MALL: variants seen among roughly 807,000 people sequenced by gnomAD.
MALL encodes mal, T cell differentiation protein like, also known as MAL-like protein.
A neutral mutation model predicts 10.3 loss-of-function variants in MALL; 2 were observed. The observed-to-expected ratio is 0.19, with a 90% confidence interval of 0.08 to 0.61. MALL has a LOEUF of 0.61. Among genes scored for constraint, MALL ranks in the 20% least tolerant of loss-of-function variants. MALL has a pLI of 0.88. For missense variants in MALL, 39 were observed against 115.2 expected (o/e 0.34, Z 3.03); for synonymous variants, 27 against 51.8 (o/e 0.52, Z 2.05).
At chr2:110,112,813 G>A (rs1678831725) in intron 1 of MALL, among the ~76,000 whole-genome samples, 1 of 151,446 alleles carries the variant, frequency 6.6e-6, no homozygotes, top group Non-Finnish European at 1.5e-5. Flanking sequence ...ATTCACAATT[G>A]TGAAATTGTG....
At chr2:110,103,135 C>T (rs2104387113) in intron 1 of MALL, among the ~76,000 whole-genome samples, 1 of 152,268 alleles carries the variant, frequency 6.6e-6, no homozygotes, top group Non-Finnish European at 1.5e-5. Flanking sequence ...TGAGACTGTA[C>T]TCTGGGACCC....
intron 1 of MALL, among the ~76,000 whole-genome samples, chr2:110,108,916 C>A (rs1678748418): frequency 6.6e-6 from 1 of 152,084 alleles, no homozygotes; most frequent in Non-Finnish European, 1.5e-5. Context: ...AATTATCAGC[C>A]AAGAATTTCA....
intron 1 of MALL, among the ~76,000 whole-genome samples, chr2:110,100,472 C>CA (rs1206628045): frequency 2.1e-5 from 1 of 47,780 alleles, no homozygotes; most frequent in Admixed American, 2.6e-4. Flanking sequence ...GACTCTGTCC[C>CA]CCACCCTAAA....
At chr2:110,099,517 C>T (rs558032349) in intron 1 of MALL, among the ~76,000 whole-genome samples, 15 of 152,268 alleles carry the variant, frequency 9.9e-5, no homozygotes, top group African/African-American at 3.4e-4. Context: ...GTAGAGTGTT[C>T]TAGCTTTTTC....
At chr2:110,107,473 C>T (rs568783902) in intron 1 of MALL, among the ~76,000 whole-genome samples, 13 of 152,238 alleles carry the variant, frequency 8.5e-5, no homozygotes, top group Non-Finnish European at 1.8e-4. Flanking sequence ...CCATAATCTT[C>T]CTAAGTGCAC....
intron 1 of MALL, among the ~76,000 whole-genome samples, chr2:110,108,723 C>T (rs988147938): frequency 2.6e-5 from 4 of 152,056 alleles, no homozygotes; most frequent in African/African-American, 9.7e-5. Flanking sequence ...AAGATCTTTG[C>T]CTAGGCACAT....
rs113117807 is a variant in MALL, at chr2:110,115,772, G to A, written c.21C>T (p.Pro7=). 6.3e-6 allele frequency: 8 copies of A among 1,274,396 alleles called. No individual in the cohort carries two copies. The highest frequency in any genetic ancestry group is 6.0e-6 in the Non-Finnish European group (6 of 1,003,846). 78.9% of individuals were successfully genotyped at this position (1,274,396 alleles called of 1,614,324 possible). A position where few individuals can be genotyped will look rare whatever the true frequency, so the allele number is the denominator to read the frequency against. The part of the protein sequence containing the change: MASPDP[P]ATSYAPSDVP... ...CGTCGGACGGGGCGTAGCTGGTGGCGGGCGGGTCGGGCGAGGCCATGCTGT... is the reference window on the plus strand; with the variant it reads ...CGTCGGACGGGGCGTAGCTGGTGGCAGGCGGGTCGGGCGAGGCCATGCTGT... Residue 7 remains proline (P), a synonymous_variant, in exon 1 of 4, where the codon CCC becomes CCT. Coordinates refer to ENST00000272462, the MANE Select transcript of MALL (RefSeq NM_005434.5).
At chr2:110,117,399 A>G (rs1678939203), upstream of MALL, among the ~76,000 whole-genome samples, 1 of 152,136 alleles carries the variant, frequency 6.6e-6, no homozygotes, top group Non-Finnish European at 1.5e-5. Flanking sequence ...TGAAATGGAG[A>G]AAATAATACA....
At chr2:110,110,604 A>G (rs1678783058) in intron 1 of MALL, among the ~76,000 whole-genome samples, 1 of 152,108 alleles carries the variant, frequency 6.6e-6, no homozygotes, top group South Asian at 2.1e-4. Flanking sequence ...AAAGTCCAAG[A>G]ACGGATGGAT....
intron 1 of MALL, among the ~76,000 whole-genome samples, 174 bp downstream of exon 1, chr2:110,115,514 G>A (rs1422589690): frequency 6.7e-6 from 1 of 148,286 alleles, no homozygotes; most frequent in Non-Finnish European, 1.5e-5. Flanking sequence ...GGCGCGGTCC[G>A]GTCTGGGTCC....
chr2:110,098,536 G>A (rs528334399), intron 1 of MALL, among the ~76,000 whole-genome samples: 64 of 152,308 alleles, frequency 4.2e-4, no homozygotes, highest in African/African-American at 1.5e-3. Context: ...TGTAGCATGT[G>A]TCAGAATTTC....
At chr2:110,112,817 A>G (rs1678831771) in intron 1 of MALL, among the ~76,000 whole-genome samples, 1 of 151,534 alleles carries the variant, frequency 6.6e-6, no homozygotes, top group Admixed American at 6.6e-5. Context: ...ACAATTGTGA[A>G]ATTGTGTAAC....
rs1333582965 is a variant in MALL, at chr2:110,115,795, T to C, written c.-3A>G. 1 of 1,251,560 alleles carries C rather than the reference T, an allele frequency of 8.0e-7. No individual in the cohort carries two copies. Among genetic ancestry groups the C allele is most frequent in the Non-Finnish European group, 1.0e-6 (1 of 988,244 alleles). The allele number at this position is 1,251,560 out of a possible 1,614,324, so 77.5% of individuals were successfully genotyped here. ...GCGGGCGGGTCGGGCGAGGCCATGC[T>C]GTCAGCCCCTGCCGGGTGCTCCGCG... is the stretch of plus-strand genomic sequence containing the variant. On this transcript the variant is annotated 5_prime_UTR_variant, in exon 1 of 4. Coordinates refer to ENST00000272462, the MANE Select transcript of MALL (RefSeq NM_005434.5).
At chr2:110,112,797 A>G (rs964329163) in intron 1 of MALL, among the ~76,000 whole-genome samples, 4 of 151,782 alleles carry the variant, frequency 2.6e-5, no homozygotes, top group Non-Finnish European at 2.9e-5. Context: ...TGTTTATAGC[A>G]GCACAATTCA....
intron 1 of MALL, among the ~76,000 whole-genome samples, chr2:110,095,910 A>G (rs1678430866): frequency 6.6e-6 from 1 of 152,172 alleles, no homozygotes; most frequent in South Asian, 2.1e-4. Context: ...AGCTTCTTAC[A>G]GCTATGATGG....
chr2:110,104,168 G>T (rs889981182), intron 1 of MALL, among the ~76,000 whole-genome samples: 10 of 152,136 alleles, frequency 6.6e-5, no homozygotes, highest in Admixed American at 2.0e-4. Context: ...TCATCTATAG[G>T]TTTGAGCATC....
chr2:110,112,488 A>T (rs975205644), intron 1 of MALL, among the ~76,000 whole-genome samples: 1 of 152,148 alleles, frequency 6.6e-6, no homozygotes, highest in African/African-American at 2.4e-5. Context: ...AAAATGCTCA[A>T]CATCACTAAT....
intron 1 of MALL, among the ~76,000 whole-genome samples, chr2:110,114,721 A>C (rs1678872417): frequency 6.6e-6 from 1 of 151,344 alleles, no homozygotes; most frequent in Non-Finnish European, 1.5e-5. Context: ...GACGAGAATG[A>C]GAAGGGCTGA....
At chr2:110,097,095 C>CAAAAAAAAAAAAAAA (rs71405880) in intron 1 of MALL, among the ~76,000 whole-genome samples, 2 of 139,682 alleles carry the variant, frequency 1.4e-5, no homozygotes, top group Non-Finnish European at 3.1e-5. Context: ...CAAAACAAAA[C>CAAAAAAAAAAAAAAA]AAAAAAAAAA....
Sources: allele counts gnomAD v4.1 joint callset (sites outside exome capture counted in the v4.1 genomes callset), GRCh38; gene constraint gnomAD v4.1.1; transcripts MANE v1.5; gene names NCBI Gene and HGNC (gene_info 2026-07-23, HGNC 2026-07-21).